POC1B: variants seen among roughly 807,000 people sequenced by gnomAD.
POC1B encodes POC1 centriolar protein homolog B.
POC1B carries 44 observed loss-of-function variants against 60.6 expected under a neutral mutation model. The ratio of observed to expected loss-of-function variants is 0.73; its 90% CI spans 0.57 to 0.93. POC1B has a LOEUF of 0.93. Ranked by LOEUF, POC1B falls within the 40% of genes least tolerant of loss-of-function variation. The pLI is 0.00. For missense variants in POC1B, 555 were observed against 572.3 expected (o/e 0.97, Z 0.31); for synonymous variants, 180 against 198.9 (o/e 0.90, Z 0.80).
chr12:89,421,239 G>A lies in POC1B; in HGVS notation c.1351C>T (p.Gln451Ter), dbSNP rs577867306. 1 of 1,596,924 alleles carries A rather than the reference G, an allele frequency of 6.3e-7. No homozygotes were observed. The highest frequency in any genetic ancestry group is 1.1e-5 in the South Asian group (1 of 89,458). ...TTATCCTCTGTCAAAGTCAGTCGCT[G>A]CTCCAAGATTGAAACAGTCTGCAAA... ...VLTQTVSILE[Q>*]RLTLTEDKLK... The change falls in exon 12 of 12, where the codon CAG becomes TAG. Residue 451 changes from glutamine (Q) to a stop codon, truncating the protein, a stop_gained. Coordinates refer to ENST00000313546, the MANE Select transcript of POC1B (RefSeq NM_172240.3). LOFTEE classifies it high-confidence loss of function.
chr12:89,419,002 T>C (rs1015995748), downstream of POC1B, among the ~76,000 whole-genome samples: 2 of 152,120 alleles, frequency 1.3e-5, no homozygotes, highest in African/African-American at 4.8e-5. Context: ...AGGTGTTTTC[T>C]ACATTCTGAC....
chr12:89,479,874 G>A (rs1051273023), intron 4 of POC1B, among the ~76,000 whole-genome samples: 1 of 152,076 alleles, frequency 6.6e-6, no homozygotes, highest in African/African-American at 2.4e-5. Flanking sequence ...ATATCTAGTT[G>A]TTTAATTCAT....
intron 10 of POC1B, among the ~76,000 whole-genome samples, chr12:89,436,052 C>A (rs764792762): frequency 2.6e-5 from 4 of 151,700 alleles, no homozygotes; most frequent in Non-Finnish European, 5.9e-5. Flanking sequence ...TCAAGCGATT[C>A]TCTTGCCTCA....
chr12:89,496,395 A>AT (rs995575235), intron 3 of POC1B, among the ~76,000 whole-genome samples: 1 of 151,930 alleles, frequency 6.6e-6, no homozygotes, highest in African/African-American at 2.4e-5. Flanking sequence ...GATATGTAGG[A>AT]TTTTTTCTAA....
intron 10 of POC1B, among the ~76,000 whole-genome samples, chr12:89,441,214 C>T (rs141532617): frequency 0.071 from 10,879 of 152,298 alleles, 460 homozygotes; most frequent in Non-Finnish European, 0.098. Flanking sequence ...CAAAAGGCAG[C>T]AGAAACTTCT....
chr12:89,438,587 C>G (rs149082149), intron 10 of POC1B, among the ~76,000 whole-genome samples: 3 of 152,354 alleles, frequency 2.0e-5, no homozygotes, highest in African/African-American at 7.2e-5. Context: ...CCTCTTGAAA[C>G]TATCCTTCCT....
the POC1B span, among the ~76,000 whole-genome samples, chr12:89,412,407 A>G: frequency 6.9e-6 from 1 of 145,458 alleles, no homozygotes; most frequent in Admixed American, 7.0e-5. Flanking sequence ...GGCCAGGCGC[A>G]GTGGCTCACA....
At chr12:89,480,445 A>G (rs1017005991) in intron 4 of POC1B, among the ~76,000 whole-genome samples, 2 of 148,880 alleles carry the variant, frequency 1.3e-5, no homozygotes, top group Non-Finnish European at 3.0e-5. Context: ...TTTTTTTTAT[A>G]GAGTCTCACT....
In POC1B at chr12:89,515,240, T is replaced by C. The variant is rs78325118; in HGVS notation, c.100+9880A>G. On this transcript the variant is annotated intron_variant, in intron 2 of 11. Transcript: ENST00000313546. ...TAACAAAGCAGACAGAAATCTCTAA[T>C]TGGGGAGCTTAAATTCAAGTGGAAA... is the stretch of plus-strand genomic sequence containing the variant. 4.7e-4 allele frequency among the ~76,000 whole-genome samples: 71 copies of C among 152,234 alleles called. No individual in the cohort carries two copies. In the East Asian group the frequency reaches 0.011, roughly 23 times the overall value.
In POC1B at chr12:89,523,218, C is replaced by A. The variant is rs369106319; in HGVS notation, c.100+1902G>T. On this transcript the variant is annotated intron_variant, in intron 2 of 11. Coordinates refer to ENST00000313546, the MANE Select transcript of POC1B (RefSeq NM_172240.3). ...TCCCTCTACTGCGAATAGCCCCATG[C>A]CAGCCTGGTCTATCCTCTGGAACAT... 1.7e-4 allele frequency: 280 copies of A among 1,613,898 alleles called. No individual in the cohort carries two copies. Among genetic ancestry groups the A allele is most frequent in the Non-Finnish European group, 2.3e-4 (270 of 1,179,898 alleles).
At chr12:89,445,571 T>C (rs1010314367) in intron 10 of POC1B, among the ~76,000 whole-genome samples, 1 of 152,238 alleles carries the variant, frequency 6.6e-6, no homozygotes, top group African/African-American at 2.4e-5. Context: ...AAGCTGAAAC[T>C]GGATCCCTTC....
At chr12:89,489,736 A>G (rs1165842536) in intron 4 of POC1B, among the ~76,000 whole-genome samples, 1 of 152,196 alleles carries the variant, frequency 6.6e-6, no homozygotes, top group Non-Finnish European at 1.5e-5. Flanking sequence ...CAGGGGCCAC[A>G]GTTTTCCCCT....
In POC1B at chr12:89,452,370, C is replaced by CA. The variant is rs566239226; in HGVS notation, c.1113+7267dup. 2.6e-5 allele frequency among the ~76,000 whole-genome samples: 4 copies of CA among 152,062 alleles called. No homozygotes were observed. The South Asian group carries it at 8.3e-4, about 32-fold the overall frequency. On this transcript the variant is annotated intron_variant, in intron 10 of 11. Coordinates refer to ENST00000313546, the MANE Select transcript of POC1B (RefSeq NM_172240.3). Reference sequence around the variant, plus strand: ...TTCTAAAAAGTATTTATTGGGCTCCCAAATAGCATGATTTATAAATCCTTT... The same window carrying CA: ...TTCTAAAAAGTATTTATTGGGCTCCCAAAATAGCATGATTTATAAATCCTTT...
the POC1B span, among the ~76,000 whole-genome samples, chr12:89,403,116 TC>T: frequency 1.1e-4 from 16 of 151,964 alleles, no homozygotes; most frequent in African/African-American, 3.1e-4. Flanking sequence ...CAAGCAATCC[TC>T]CTGCCTCAGC....
downstream of POC1B, among the ~76,000 whole-genome samples, chr12:89,415,566 C>T (rs1372804400): frequency 1.3e-5 from 2 of 151,850 alleles, no homozygotes; most frequent in Non-Finnish European, 2.9e-5. Context: ...TGGCGTGAAC[C>T]CGGGAGGCGG....
chr12:89,450,488 G>C (rs1033807856), intron 10 of POC1B, among the ~76,000 whole-genome samples: 1 of 152,246 alleles, frequency 6.6e-6, no homozygotes, highest in South Asian at 2.1e-4. Flanking sequence ...TTACAGGTGT[G>C]AGCCACCGCG....
rs541275865 is a variant in POC1B at position 89,510,022 on chromosome 12, T to C, written c.101-12680A>G. 6.7e-5 allele frequency among the ~76,000 whole-genome samples: 10 copies of C among 148,482 alleles called. No homozygotes were observed. In the East Asian group the frequency reaches 1.8e-3, roughly 27 times the overall value. The stretch of plus-strand genomic sequence containing the variant: ...CACCACACTCAGTTAATTTTTTTTG[T>C]ATTTTTAGTAGAGACAGGGTTTCAG... On this transcript the variant is annotated intron_variant, in intron 2 of 11. Transcript: ENST00000313546.
intron 10 of POC1B, among the ~76,000 whole-genome samples, chr12:89,429,839 T>C (rs1436492806): frequency 3.3e-5 from 5 of 152,230 alleles, no homozygotes; most frequent in Non-Finnish European, 5.9e-5. Flanking sequence ...AATTATATCA[T>C]GTTCTCATTT....
At chr12:89,516,131 G>A (rs956523873) in intron 2 of POC1B, among the ~76,000 whole-genome samples, 15 of 152,066 alleles carry the variant, frequency 9.9e-5, no homozygotes, top group Non-Finnish European at 1.9e-4. Flanking sequence ...TCTCTCTAAT[G>A]ACTATTTAAT....
Sources: gnomAD v4.1 joint callset for allele counts (sites outside exome capture counted in the v4.1 genomes callset) on GRCh38, gnomAD v4.1.1 for gene constraint, MANE v1.5 for transcripts, NCBI Gene and HGNC (gene_info 2026-07-23, HGNC 2026-07-21) for gene names.